TENM4: variants seen among roughly 807,000 people sequenced by gnomAD.
TENM4 encodes the protein teneurin-4.
In TENM4, 82 loss-of-function variants were observed where a neutral mutation model predicts 243.3. The ratio of observed to expected loss-of-function variants is 0.34; its 90% CI spans 0.28 to 0.40. The LOEUF is 0.40. Among genes scored for constraint, TENM4 ranks in the 10% least tolerant of loss-of-function variants. The pLI is 1.00. For missense variants in TENM4, 3,138 were observed against 3,673.3 expected, an observed-to-expected ratio of 0.85 and a Z score of 3.77; for synonymous variants, 1,412 against 1,456.3, an observed-to-expected ratio of 0.97 and a Z score of 0.69.
chr11:78,773,882 AG>A (rs1047551754), intron 17 of TENM4, among the ~76,000 whole-genome samples: 1 of 152,236 alleles, frequency 6.6e-6, no homozygotes, highest in African/African-American at 2.4e-5. Context: ...TTCTAAAATA[AG>A]TAACTTTTTG....
At position 78,889,751 on chromosome 11, in the gene TENM4, G is replaced by A. The variant is rs541466993; in HGVS notation, c.1084+34C>T. 5 of 1,546,394 alleles carry A rather than the reference G, an allele frequency of 3.2e-6. No individual in the cohort carries two copies. The Admixed American group carries it at 7.9e-5, about 24-fold the overall frequency. On this transcript the variant is annotated intron_variant, in intron 9 of 33. Coordinates refer to ENST00000278550, the MANE Select transcript of TENM4 (RefSeq NM_001098816.3). Reference sequence around the variant, plus strand: ...TGGTTGCTGCCCTCTGGGCCAAAGAGGAGCAAGGGGAGCTGGGGTGAAGAG... The same window carrying A: ...TGGTTGCTGCCCTCTGGGCCAAAGAAGAGCAAGGGGAGCTGGGGTGAAGAG...
intron 2 of TENM4, among the ~76,000 whole-genome samples, chr11:79,263,694 A>G (rs1473815687): frequency 1.3e-5 from 2 of 152,220 alleles, no homozygotes; most frequent in African/African-American, 2.4e-5. Context: ...AGTAGTAAAC[A>G]TGATTAGTTT....
chr11:78,891,378 A>C, intron 7 of TENM4, 42 bp from the exon 8 acceptor site: 12 of 1,510,186 alleles, frequency 7.9e-6, no homozygotes, highest in Non-Finnish European at 1.1e-5. Context: ...TGAGTCATGC[A>C]TTGATGAAGG....
intron 4 of TENM4, among the ~76,000 whole-genome samples, chr11:79,091,312 C>T (rs1382120483): frequency 2.0e-5 from 3 of 152,154 alleles, no homozygotes; most frequent in African/African-American, 4.8e-5. Flanking sequence ...CCTGTTTTCT[C>T]ATTTAAGAAG....
At chr11:78,872,660 G>C (rs1859164680) in intron 9 of TENM4, among the ~76,000 whole-genome samples, 1 of 152,318 alleles carries the variant, frequency 6.6e-6, no homozygotes, top group African/African-American at 2.4e-5. Context: ...ACGATCAAAT[G>C]AGGCAGGAAA....
intron 4 of TENM4, among the ~76,000 whole-genome samples, chr11:79,129,699 C>T (rs1374068248): frequency 6.6e-6 from 1 of 152,108 alleles, no homozygotes; most frequent in Admixed American, 6.5e-5. Context: ...TTGGGAATCT[C>T]ACCCCCATCC....
intron 4 of TENM4, among the ~76,000 whole-genome samples, chr11:79,132,207 G>A (rs1331868720): frequency 3.4e-4 from 52 of 151,448 alleles, no homozygotes; most frequent in Admixed American, 2.6e-3. Flanking sequence ...TGAGCCGGGC[G>A]CGGTGGTGGG....
chr11:78,725,606 T>C (rs1236450567), intron 23 of TENM4, among the ~76,000 whole-genome samples: 5 of 152,362 alleles, frequency 3.3e-5, no homozygotes, highest in Admixed American at 2.6e-4. Flanking sequence ...CCAGTAACTT[T>C]CTTTTAGGCT....
intron 1 of TENM4, among the ~76,000 whole-genome samples, chr11:79,337,039 C>T (rs1308263426): frequency 6.6e-6 from 1 of 152,234 alleles, no homozygotes; most frequent in Non-Finnish European, 1.5e-5. Flanking sequence ...AAGGAGGTTA[C>T]CAAGCTAACT....
At chr11:79,437,898 C>T (rs916138911) in intron 1 of TENM4, among the ~76,000 whole-genome samples, 2 of 151,768 alleles carry the variant, frequency 1.3e-5, no homozygotes. Flanking sequence ...TCAGCAAGGT[C>T]AAGGCGCGGC....
intron 6 of TENM4, among the ~76,000 whole-genome samples, chr11:79,032,584 A>G (rs1348885850): frequency 6.6e-6 from 1 of 152,146 alleles, no homozygotes; most frequent in Non-Finnish European, 1.5e-5. Flanking sequence ...ATGTCCAGGT[A>G]ATCAGGCGCC....
chr11:79,278,762 G>A (rs2135359526), intron 2 of TENM4, among the ~76,000 whole-genome samples: 1 of 152,304 alleles, frequency 6.6e-6, no homozygotes, highest in Middle Eastern at 3.4e-3. Flanking sequence ...CTCAGAGCTT[G>A]CGGCTCCCAA....
chr11:78,948,973 C>A (rs1355940622), intron 6 of TENM4, among the ~76,000 whole-genome samples: 1 of 152,216 alleles, frequency 6.6e-6, no homozygotes, highest in African/African-American at 2.4e-5. Context: ...ATTAGGATGG[C>A]TCACTAATGG....
chr11:79,285,037 A>T (rs1297895047), intron 2 of TENM4, among the ~76,000 whole-genome samples: 3 of 152,132 alleles, frequency 2.0e-5, no homozygotes, highest in African/African-American at 7.2e-5. Flanking sequence ...CAAGAGATCA[A>T]GACCATCCTG....
At chr11:78,962,848 A>C (rs1288512860) in intron 6 of TENM4, among the ~76,000 whole-genome samples, 3 of 152,256 alleles carry the variant, frequency 2.0e-5, no homozygotes, top group Non-Finnish European at 4.4e-5. Context: ...AACAGGCCCT[A>C]GGCCTCGTAA....
At chr11:79,207,937 C>G (rs545887042) in intron 3 of TENM4, among the ~76,000 whole-genome samples, 1 of 150,622 alleles carries the variant, frequency 6.6e-6, no homozygotes, top group African/African-American at 2.4e-5. Flanking sequence ...AAAGTCTGGG[C>G]TTCCTCTGGA....
chr11:79,119,776 C>T (rs865843589), intron 4 of TENM4, among the ~76,000 whole-genome samples: 2 of 152,208 alleles, frequency 1.3e-5, no homozygotes, highest in Non-Finnish European at 2.9e-5. Context: ...CGCCCCTCTA[C>T]TCTCTCCCAT....
chr11:78,787,133 C>T (rs1346690000), intron 15 of TENM4, 50 bp from the exon 16 acceptor site: 1 of 1,502,496 alleles, frequency 6.7e-7, no homozygotes, highest in Non-Finnish European at 8.9e-7. Flanking sequence ...GGATGGGAGG[C>T]AGTGGCCAGA....
chr11:78,949,543 A>G (rs773915461), intron 6 of TENM4, among the ~76,000 whole-genome samples: 4 of 152,238 alleles, frequency 2.6e-5, no homozygotes, highest in Non-Finnish European at 5.9e-5. Flanking sequence ...TTTAAATAGG[A>G]TCTTTATTCA....
Sources: allele counts gnomAD v4.1 joint callset (sites outside exome capture counted in the v4.1 genomes callset), GRCh38; gene constraint gnomAD v4.1.1; transcripts MANE v1.5; gene names NCBI Gene and HGNC (gene_info 2026-07-23, HGNC 2026-07-21).